Variants in ACYP2 observed in about 807,000 individuals in gnomAD.
ACYP2 encodes the protein acylphosphatase 2.
ACYP2 carries 12 observed loss-of-function variants against 11.2 expected under a neutral mutation model. The observed-to-expected ratio is 1.08, with a 90% CI of 0.69 to 1.74. ACYP2 has a LOEUF of 1.74. Ranked by LOEUF, ACYP2 falls within the 40% of genes most tolerant of loss-of-function variation. ACYP2 has a pLI of 0.00. For synonymous variants in ACYP2, 43 were observed against 32.2 expected (o/e 1.33, Z -1.13); for missense variants, 134 against 101.9 (o/e 1.31, Z -1.35).
intron 4 of ACYP2, among the ~76,000 whole-genome samples, chr2:54,070,235 A>G (rs1337667152): frequency 1.4e-5 from 2 of 147,642 alleles, no homozygotes; most frequent in African/African-American, 5.0e-5. Context: ...GTGCCATTGC[A>G]CTCCAGCCTG....
intron 2 of ACYP2, among the ~76,000 whole-genome samples, chr2:54,025,978 G>T (rs368918850): frequency 6.6e-6 from 1 of 152,128 alleles, no homozygotes; most frequent in South Asian, 2.1e-4. Context: ...TTAGCCAGGC[G>T]TGATGGCAGG....
chr2:54,026,367 G>T (rs536354389), intron 2 of ACYP2, among the ~76,000 whole-genome samples: 58 of 151,932 alleles, frequency 3.8e-4, no homozygotes, highest in African/African-American at 1.3e-3. Context: ...ACCACAATAT[G>T]ATACCAGCAA....
intron 6 of ACYP2, among the ~76,000 whole-genome samples, chr2:54,160,319 ACT>A (rs1400109401): frequency 6.6e-6 from 1 of 151,970 alleles, no homozygotes; most frequent in Non-Finnish European, 1.5e-5. Flanking sequence ...TGGAAAGCAA[ACT>A]CTTTCCCAGA....
chr2:53,976,790 A>G (rs13422211), intron 2 of ACYP2, among the ~76,000 whole-genome samples: 3,646 of 152,286 alleles, frequency 0.024, 145 homozygotes, highest in African/African-American at 0.084. Context: ...TCAGTTTCTC[A>G]TAAGGAAAAT....
chr2:54,155,007 G>A (rs1189779124), intron 6 of ACYP2, among the ~76,000 whole-genome samples: 2 of 152,078 alleles, frequency 1.3e-5, no homozygotes, highest in Non-Finnish European at 2.9e-5. Context: ...TTTAGTATTG[G>A]TAGGTTATAT....
chr2:54,159,804 C>G (rs1386461966), intron 6 of ACYP2, among the ~76,000 whole-genome samples: 1 of 152,148 alleles, frequency 6.6e-6, no homozygotes, highest in Non-Finnish European at 1.5e-5. Flanking sequence ...TCCTCTGTCA[C>G]TATTCATCTC....
intron 6 of ACYP2, among the ~76,000 whole-genome samples, chr2:54,226,876 C>T (rs116573258): frequency 0.024 from 3,711 of 152,270 alleles, 58 homozygotes; most frequent in Non-Finnish European, 0.038. Flanking sequence ...CAGGCCAACT[C>T]TTCATAGCAA....
intron 4 of ACYP2, among the ~76,000 whole-genome samples, chr2:54,128,908 T>C (rs1558552304): frequency 6.6e-6 from 1 of 152,132 alleles, no homozygotes; most frequent in East Asian, 1.9e-4. Context: ...TCTTACCCAC[T>C]TGGTCTACTC....
intron 4 of ACYP2, among the ~76,000 whole-genome samples, chr2:54,123,994 A>G (rs753578453): frequency 3.3e-5 from 5 of 152,326 alleles, no homozygotes; most frequent in South Asian, 2.1e-4. Context: ...GATTTGGGGT[A>G]TGCAACTAGC....
At chr2:54,056,734 G>A (rs1544736) in intron 3 of ACYP2, among the ~76,000 whole-genome samples, 4,286 of 152,094 alleles carry the variant, frequency 0.028, 199 homozygotes, top group African/African-American at 0.099. Context: ...TGCATGTTGT[G>A]TATGTCATCT....
intron 5 of ACYP2, 41 bp downstream of exon 2, chr2:54,135,510 C>T (rs936935145): frequency 6.3e-7 from 1 of 1,574,904 alleles, no homozygotes. Context: ...ATTTTTTTTC[C>T]ACTGTTATTC....
At chr2:54,032,807 C>T (rs370412665) in intron 2 of ACYP2, among the ~76,000 whole-genome samples, 12 of 151,982 alleles carry the variant, frequency 7.9e-5, no homozygotes, top group South Asian at 2.1e-4. Context: ...AACCACTGTT[C>T]GATGAAATAA....
intron 3 of ACYP2, chr2:54,051,852 C>A (rs1346408546): frequency 1.6e-5 from 5 of 304,780 alleles, no homozygotes; most frequent in Non-Finnish European, 3.1e-5. Context: ...TGAGACCAGC[C>A]TGGCCAACAT....
At chr2:54,252,123 A>C (rs1687255164) in intron 6 of ACYP2, among the ~76,000 whole-genome samples, 1 of 152,196 alleles carries the variant, frequency 6.6e-6, no homozygotes, top group African/African-American at 2.4e-5. Flanking sequence ...CTACCACCAT[A>C]GATTAGTTTT....
chr2:54,194,332 G>A (rs1024658489), intron 6 of ACYP2, among the ~76,000 whole-genome samples: 28 of 152,066 alleles, frequency 1.8e-4, no homozygotes, highest in African/African-American at 6.5e-4. Context: ...GAGCCACCGC[G>A]CCCAGCCCCC....
chr2:54,276,775 G>A (rs1414173015), intron 6 of ACYP2, among the ~76,000 whole-genome samples: 3 of 151,840 alleles, frequency 2.0e-5, no homozygotes, highest in East Asian at 3.9e-4. Flanking sequence ...AATTAAAAAA[G>A]GAAAGAATGA....
chr2:54,268,109 T>G (rs1255730192), intron 6 of ACYP2, among the ~76,000 whole-genome samples: 4 of 152,238 alleles, frequency 2.6e-5, no homozygotes, highest in Non-Finnish European at 5.9e-5. Flanking sequence ...CATAGCTGCT[T>G]TGAACCTGAA....
chr2:54,091,090 G>T (rs1678198916), intron 4 of ACYP2, among the ~76,000 whole-genome samples: 1 of 152,210 alleles, frequency 6.6e-6, no homozygotes, highest in South Asian at 2.1e-4. Flanking sequence ...ACCTACAAGA[G>T]CCTGCCTGTA....
chr2:54,051,538 A>T (rs1316268244), intron 3 of ACYP2: 19 of 733,606 alleles, frequency 2.6e-5, no homozygotes. Flanking sequence ...ATTGCCCAAA[A>T]ATAAAAGGAG....
Sources: allele counts gnomAD v4.1 joint callset (sites outside exome capture counted in the v4.1 genomes callset), GRCh38; gene constraint gnomAD v4.1.1; transcripts MANE v1.5; gene names NCBI Gene and HGNC (gene_info 2026-07-23, HGNC 2026-07-21).